Variants in MBNL2 observed in about 807,000 individuals in gnomAD.
MBNL2 encodes muscleblind-like protein 2.
In MBNL2, 17 loss-of-function variants were observed where a neutral mutation model predicts 41.9. The observed-to-expected ratio is 0.41, with a 90% confidence interval of 0.28 to 0.61. The LOEUF (loss-of-function observed/expected upper bound fraction) is 0.61. Among genes scored for constraint, MBNL2 ranks in the 20% least tolerant of loss-of-function variants. The pLI, the probability that MBNL2 is intolerant of heterozygous loss-of-function variation, is 0.35. For missense variants in MBNL2, 336 were observed against 505.6 expected (o/e 0.66, Z 3.22); for synonymous variants, 195 against 182.9 (o/e 1.07, Z -0.53).
Position 97,366,629 on chromosome 13 carries a change from G to T in MBNL2, c.1048+1458G>T. The T allele has an allele frequency of 1.1e-6, 1 of 931,580 alleles. No individual in the cohort carries two copies. Among genetic ancestry groups the T allele is most frequent in the Non-Finnish European group, 1.7e-6 (1 of 577,024 alleles). The allele number at this position is 931,580 out of a possible 1,614,324, so 57.7% of individuals were successfully genotyped here. A position where few individuals can be genotyped will look rare whatever the true frequency, so the allele number is the denominator to read the frequency against. On this transcript the variant is annotated intron_variant, in intron 8 of 8. Transcript: ENST00000679496. The surrounding 1 kb of genome is among the most constrained non-coding windows in gnomAD (Gnocchi z 4.7). ...GCTGATATTTAAAAAAAAAATTCTC[G>T]GTGAGAATTTTTTTTTCATGTTTAT...
At chr13:97,328,456 T>C (rs1296507324) in intron 2 of MBNL2, among the ~76,000 whole-genome samples, 1 of 152,182 alleles carries the variant, frequency 6.6e-6, no homozygotes, top group Non-Finnish European at 1.5e-5. Context: ...CACTTGCCGT[T>C]CCGCGGCCTG....
At chr13:97,154,826 G>A in the MBNL2 span, among the ~76,000 whole-genome samples, 1 of 152,014 alleles carries the variant, frequency 6.6e-6, no homozygotes, top group East Asian at 1.9e-4. Flanking sequence ...TGGATGGATG[G>A]ATGGATGGAT....
chr13:97,171,392 A>G, the MBNL2 span, among the ~76,000 whole-genome samples: 2 of 152,192 alleles, frequency 1.3e-5, no homozygotes, highest in African/African-American at 2.4e-5. Context: ...TTTGCTGGCA[A>G]CTACTATATT....
the MBNL2 span, among the ~76,000 whole-genome samples, chr13:97,192,793 T>G: frequency 1.3e-5 from 2 of 152,238 alleles, no homozygotes; most frequent in African/African-American, 4.8e-5. Flanking sequence ...GCAGCTCAGC[T>G]GCAATGCCTC....
the MBNL2 span, among the ~76,000 whole-genome samples, chr13:97,186,758 C>T: frequency 6.6e-6 from 1 of 152,232 alleles, no homozygotes; most frequent in East Asian, 1.9e-4. Context: ...GAAGTGATTC[C>T]TATCATCATG....
At chr13:97,165,558 A>G in the MBNL2 span, among the ~76,000 whole-genome samples, 1 of 152,250 alleles carries the variant, frequency 6.6e-6, no homozygotes, top group Non-Finnish European at 1.5e-5. Flanking sequence ...CTTGAAAATC[A>G]TATTCAACAT....
chr13:97,200,749 T>C, the MBNL2 span, among the ~76,000 whole-genome samples: 2 of 152,198 alleles, frequency 1.3e-5, no homozygotes, highest in East Asian at 3.9e-4. Context: ...AATTGTGAAA[T>C]ATTTTAAACT....
the MBNL2 span, among the ~76,000 whole-genome samples, chr13:97,210,696 G>A: frequency 1.4e-5 from 2 of 139,194 alleles, no homozygotes; most frequent in Non-Finnish European, 3.0e-5. Context: ...AGGTTCAAGT[G>A]ATTCTCATGC....
chr13:97,181,073 ATCTC>A, the MBNL2 span, among the ~76,000 whole-genome samples: 7 of 139,404 alleles, frequency 5.0e-5, no homozygotes, highest in East Asian at 2.2e-4. Flanking sequence ...CTTCAACTCA[ATCTC>A]TCTCTCTCTC....
At chr13:97,175,077 G>A in the MBNL2 span, among the ~76,000 whole-genome samples, 1 of 152,282 alleles carries the variant, frequency 6.6e-6, no homozygotes, top group South Asian at 2.1e-4. Flanking sequence ...GTGTCCCTGG[G>A]CTACATTCAG....
the MBNL2 span, among the ~76,000 whole-genome samples, chr13:97,190,153 T>C: frequency 6.6e-6 from 1 of 152,216 alleles, no homozygotes; most frequent in Non-Finnish European, 1.5e-5. Context: ...CCACAGCAGG[T>C]GACAGGAGCT....
At chr13:97,274,978 T>A (rs1366192826) in intron 1 of MBNL2, among the ~76,000 whole-genome samples, 5 of 152,216 alleles carry the variant, frequency 3.3e-5, no homozygotes, top group Admixed American at 3.3e-4. Flanking sequence ...CTTGAGGGTC[T>A]AATATACGCC....
intron 3 of MBNL2, among the ~76,000 whole-genome samples, chr13:97,339,551 C>A (rs527745383): frequency 6.6e-6 from 1 of 152,290 alleles, no homozygotes; most frequent in African/African-American, 2.4e-5. Context: ...TCTGCAGAAA[C>A]TGTAGGGCTA....
At chr13:97,312,197 G>A (rs1317850887) in intron 2 of MBNL2, among the ~76,000 whole-genome samples, 1 of 152,178 alleles carries the variant, frequency 6.6e-6, no homozygotes, top group Non-Finnish European at 1.5e-5. Flanking sequence ...AAGTGCTTCC[G>A]AGTGCATGAA....
At chr13:97,354,136 G>A (rs953041410) in intron 5 of MBNL2, among the ~76,000 whole-genome samples, 3 of 133,090 alleles carry the variant, frequency 2.3e-5, no homozygotes. Context: ...CAAAGCCTCA[G>A]AATGTTGGTG....
intron 3 of MBNL2, among the ~76,000 whole-genome samples, chr13:97,336,876 A>G (rs916614920): frequency 6.6e-6 from 1 of 152,220 alleles, no homozygotes; most frequent in African/African-American, 2.4e-5. Context: ...ATTCCATTTT[A>G]GGTCTCATAA....
At chr13:97,171,499 A>G in the MBNL2 span, among the ~76,000 whole-genome samples, 1 of 152,184 alleles carries the variant, frequency 6.6e-6, no homozygotes, top group African/African-American at 2.4e-5. Flanking sequence ...AAATATATTC[A>G]TGTGTACATA....
At chr13:97,144,576 T>C in the MBNL2 span, among the ~76,000 whole-genome samples, 2 of 151,862 alleles carry the variant, frequency 1.3e-5, no homozygotes, top group Admixed American at 1.3e-4. Context: ...ATTACAGGCA[T>C]GTGCCACCAC....
chr13:97,346,266 TG>T lies in MBNL2; in HGVS notation c.541-536del. Among the ~76,000 whole-genome samples the T allele has an allele frequency of 2.0e-5, 3 of 151,934 alleles. No homozygotes were observed. The highest frequency in any genetic ancestry group is 7.2e-5 in the African/African-American group (3 of 41,400). ...ATAGATGGATGGATGGATGGATGGA[TG>T]GATGGATAGATGGATGGGTGGATGG... On this transcript the variant is annotated intron_variant, in intron 4 of 8. Coordinates refer to ENST00000679496, the MANE Select transcript of MBNL2 (RefSeq NM_001382683.1). This position sits in a 1 kb window ranked among gnomAD's most constrained non-coding sequence, Gnocchi z 4.2.
Sources: allele counts gnomAD v4.1 joint callset (sites outside exome capture counted in the v4.1 genomes callset), GRCh38; gene constraint gnomAD v4.1.1; non-coding constraint Gnocchi (gnomAD v3.1); transcripts MANE v1.5; gene names NCBI Gene and HGNC (gene_info 2026-07-23, HGNC 2026-07-21).